The following TRIQK variants were observed in gnomAD, a reference collection of about 807,000 sequenced individuals.
TRIQK encodes the protein triple QxxK/R motif-containing protein.
TRIQK carries 10 observed loss-of-function variants against 10.8 expected under a neutral mutation model. That is an observed-to-expected ratio of 0.92 (90% confidence interval 0.57 to 1.57). TRIQK has a LOEUF of 1.57. TRIQK is among the 40% of genes most tolerant of loss of function. The pLI is 0.00. For missense variants in TRIQK, 107 were observed against 97.7 expected (o/e 1.09, Z -0.40); for synonymous variants, 33 against 33.7 (o/e 0.98, Z 0.07).
intron 3 of TRIQK, among the ~76,000 whole-genome samples, chr8:92,897,591 G>A (rs554913381): frequency 1.4e-4 from 21 of 152,152 alleles, no homozygotes; most frequent in East Asian, 3.9e-4. Context: ...AGGATGATGC[G>A]TTGACCTTTG....
At chr8:93,014,214 GA>G (rs1008795369) in intron 1 of TRIQK, among the ~76,000 whole-genome samples, 10 of 151,852 alleles carry the variant, frequency 6.6e-5, no homozygotes, top group East Asian at 1.9e-4. Context: ...CAATGTTACA[GA>G]AAAAAAGAAA....
intron 1 of TRIQK, among the ~76,000 whole-genome samples, chr8:92,993,602 G>A (rs745346049): frequency 2.8e-4 from 42 of 152,280 alleles, no homozygotes; most frequent in Non-Finnish European, 5.1e-4. Context: ...CCATCAGGTA[G>A]GCAGAATAAA....
At chr8:93,011,344 G>A (rs747587126) in intron 1 of TRIQK, among the ~76,000 whole-genome samples, 9 of 151,944 alleles carry the variant, frequency 5.9e-5, no homozygotes, top group Non-Finnish European at 1.3e-4. Flanking sequence ...TCATCATTAA[G>A]CAGTGGAACT....
Position 92,884,851 on chromosome 8 carries a change from G to A in TRIQK, c.*1771C>T. On this transcript the variant is annotated 3_prime_UTR_variant, in exon 5 of 5. Transcript: ENST00000521988. ...TCACGTAAATGTGATGGGAGTGGGG[G>A]GGTGGGGAGCAGTATTTCTTGACAT... 1 of 455,936 alleles carries A rather than the reference G, an allele frequency of 2.2e-6. No individual in the cohort carries two copies. Among genetic ancestry groups the A allele is most frequent in the Non-Finnish European group, 4.4e-6 (1 of 226,630 alleles). The allele number at this position is 455,936 out of a possible 1,614,324, so 28.2% of individuals were successfully genotyped here.
At chr8:92,971,207 ATAGTT>A (rs1394660830) in intron 1 of TRIQK, among the ~76,000 whole-genome samples, 1 of 152,224 alleles carries the variant, frequency 6.6e-6, no homozygotes, top group African/African-American at 2.4e-5. Context: ...GCCTTGTAGT[ATAGTT>A]TAAAGTTACA....
chr8:92,991,823 A>C (rs1266738793), intron 1 of TRIQK, among the ~76,000 whole-genome samples: 1 of 152,214 alleles, frequency 6.6e-6, no homozygotes, highest in African/African-American at 2.4e-5. Flanking sequence ...ATACAAAATC[A>C]GTGTGCAAAA....
intron 1 of TRIQK, among the ~76,000 whole-genome samples, chr8:93,006,529 A>G (rs1034595561): frequency 2.6e-5 from 4 of 152,156 alleles, no homozygotes. Context: ...GGCGACTAAG[A>G]CTGCCTAAGA....
chr8:92,931,227 A>G (rs866283731), intron 2 of TRIQK, among the ~76,000 whole-genome samples: 1 of 152,178 alleles, frequency 6.6e-6, no homozygotes, highest in South Asian at 2.1e-4. Flanking sequence ...CAAAATCACT[A>G]CTAATAACCA....
At chr8:92,906,722 CAAA>C (rs36073229) in intron 3 of TRIQK, among the ~76,000 whole-genome samples, 3 of 126,528 alleles carry the variant, frequency 2.4e-5, no homozygotes, top group Non-Finnish European at 1.6e-5. Context: ...CCGTCTCTAT[CAAA>C]AAAAAAAAAA....
chr8:92,918,746 G>T (rs535140350), intron 2 of TRIQK, among the ~76,000 whole-genome samples: 32 of 151,362 alleles, frequency 2.1e-4, no homozygotes, highest in Non-Finnish European at 1.0e-4. Flanking sequence ...GTCTATTTTT[G>T]ATTTTGTTGC....
intron 4 of TRIQK, among the ~76,000 whole-genome samples, chr8:92,891,490 C>A (rs1056614044): frequency 6.6e-6 from 1 of 151,696 alleles, no homozygotes; most frequent in African/African-American, 2.4e-5. Context: ...TGCATTTATC[C>A]CTCTTAAGCA....
intron 1 of TRIQK, among the ~76,000 whole-genome samples, chr8:92,990,064 G>T (rs1269338510): frequency 5.9e-5 from 9 of 151,962 alleles, no homozygotes; most frequent in Non-Finnish European, 1.3e-4. Flanking sequence ...TAAAAACATA[G>T]ATTAAAAATA....
intron 3 of TRIQK, among the ~76,000 whole-genome samples, chr8:92,911,557 C>T (rs998897439): frequency 3.7e-4 from 56 of 151,318 alleles, no homozygotes; most frequent in African/African-American, 1.3e-3. Context: ...ATGACACACA[C>T]AGGCCGAAAG....
At chr8:92,896,124 G>T (rs897675001) in intron 3 of TRIQK, among the ~76,000 whole-genome samples, 9 of 152,160 alleles carry the variant, frequency 5.9e-5, no homozygotes, top group Non-Finnish European at 1.2e-4. Context: ...CTCCAGAGAG[G>T]CTTCCAGGGG....
At chr8:92,999,781 A>T (rs1254191695) in intron 1 of TRIQK, among the ~76,000 whole-genome samples, 1 of 152,158 alleles carries the variant, frequency 6.6e-6, no homozygotes, top group Non-Finnish European at 1.5e-5. Flanking sequence ...TGTTTGATCA[A>T]ATTGTATTTG....
chr8:92,884,875 A>ATG lies in TRIQK; in HGVS notation c.*1745_*1746dup. The ATG allele has an allele frequency of 2.2e-6, 1 of 456,116 alleles. No homozygotes were observed. The highest frequency in any genetic ancestry group is 4.4e-6 in the Non-Finnish European group (1 of 226,690). 28.3% of individuals were successfully genotyped at this position (456,116 alleles called of 1,614,324 possible). ...GGGGTGGGGAGCAGTATTTCTTGAC[A>ATG]TGTGGCATGTCACTCAGGAAAGTAA... On this transcript the variant is annotated 3_prime_UTR_variant, in exon 5 of 5. Transcript: ENST00000521988.
rs1015251235 is a variant in TRIQK, at chr8:92,884,594, A to G, written c.*2028T>C. The G allele has an allele frequency of 6.1e-6, 2 of 328,880 alleles. No homozygotes were observed. The highest frequency in any genetic ancestry group is 1.2e-5 in the Non-Finnish European group (2 of 166,734). The allele number at this position is 328,880 out of a possible 1,614,324, so 20.4% of individuals were successfully genotyped here. A position where few individuals can be genotyped will look rare whatever the true frequency, so the allele number is the denominator to read the frequency against. ...TTTCCCCAAAAAATACCTCAAGGGT[A>G]AAACAGAATGGTAAAGTTTTTTTCA... On this transcript the variant is annotated 3_prime_UTR_variant, in exon 5 of 5. Transcript: ENST00000521988.
At chr8:92,967,181 C>G (rs1427808346), upstream of TRIQK, among the ~76,000 whole-genome samples, 1 of 151,890 alleles carries the variant, frequency 6.6e-6, no homozygotes, top group Non-Finnish European at 1.5e-5. Context: ...ATACACTTAA[C>G]CAGATTACTT....
At position 92,885,851 on chromosome 8, in the gene TRIQK, A is replaced by T. The variant is rs554897208; in HGVS notation, c.*771T>A. Reference sequence around the variant, plus strand: ...ATGACAGATTGTTACATATCTCCCTAACAAGAGGGGCGAACTGATACTACA... The same window carrying T: ...ATGACAGATTGTTACATATCTCCCTTACAAGAGGGGCGAACTGATACTACA... On this transcript the variant is annotated 3_prime_UTR_variant, in exon 5 of 5. Coordinates refer to ENST00000521988, the MANE Select transcript of TRIQK (RefSeq NM_001171797.2). 1 of 151,830 alleles carries T rather than the reference A, an allele frequency of 6.6e-6. No homozygotes were observed. Among genetic ancestry groups the T allele is most frequent in the African/African-American group, 2.4e-5 (1 of 41,512 alleles). The allele number at this position is 151,830 out of a possible 1,614,324, so 9.4% of individuals were successfully genotyped here. A position where few individuals can be genotyped will look rare whatever the true frequency, so the allele number is the denominator to read the frequency against.
Sources: gnomAD v4.1 joint callset for allele counts (sites outside exome capture counted in the v4.1 genomes callset) on GRCh38, gnomAD v4.1.1 for gene constraint, MANE v1.5 for transcripts, NCBI Gene and HGNC (gene_info 2026-07-23, HGNC 2026-07-21) for gene names.